SLC39A12: variants seen among roughly 807,000 people sequenced by gnomAD.
SLC39A12 encodes the protein zinc transporter ZIP12.
SLC39A12 carries 63 observed loss-of-function variants against 71.1 expected under a neutral mutation model. The ratio of observed to expected loss-of-function variants is 0.89; its 90% CI spans 0.72 to 1.09. SLC39A12 has a LOEUF of 1.09. SLC39A12 is among the 50% of genes least tolerant of loss of function. The pLI, the probability that SLC39A12 is intolerant of heterozygous loss-of-function variation, is 0.00. For missense variants in SLC39A12, 892 were observed against 812.6 expected (o/e 1.10, Z -1.19); for synonymous variants, 351 against 301.3 (o/e 1.16, Z -1.71).
chr10:17,992,978 G>T lies in SLC39A12; in HGVS notation c.1423-203G>T, dbSNP rs376217074. On this transcript the variant is annotated intron_variant, in intron 8 of 12. Coordinates refer to ENST00000377369, the MANE Select transcript of SLC39A12 (RefSeq NM_001145195.2). The stretch of plus-strand genomic sequence containing the variant: ...ACTTTTTTTAGTAAATAAAAAGACA[G>T]TGTAAAAACTACCACTATTCAAGCC... 5.3e-5 allele frequency among the ~76,000 whole-genome samples: 8 copies of T among 152,248 alleles called. No individual in the cohort carries two copies. In the South Asian group the frequency reaches 8.3e-4, roughly 16 times the overall value.
At position 18,002,843 on chromosome 10, in the gene SLC39A12, GGACAGT is replaced by G. The variant is rs557125552; in HGVS notation, c.1760-325_1760-320del. 4.6e-3 allele frequency: 853 copies of G among 186,826 alleles called. 11 individuals are homozygous for G. The highest frequency in any genetic ancestry group is 0.019 in the African/African-American group (792 of 42,678). The allele number at this position is 186,826 out of a possible 1,614,324, so 11.6% of individuals were successfully genotyped here. ...CAGGCCCAAAGATTTAGAAACCCTG[GGACAGT>G]GAGTGACTATTTTCCATTTATCTAA... On this transcript the variant is annotated intron_variant, in intron 11 of 12. Transcript: ENST00000377369.
At chr10:17,954,716 A>G (rs1002183996) in intron 2 of SLC39A12, among the ~76,000 whole-genome samples, 2 of 152,152 alleles carry the variant, frequency 1.3e-5, no homozygotes, top group Admixed American at 6.6e-5. Flanking sequence ...ATTTTTTAGG[A>G]CGAACCCATA....
At chr10:18,030,574 C>T (rs1212951792) in intron 12 of SLC39A12, among the ~76,000 whole-genome samples, 2 of 151,836 alleles carry the variant, frequency 1.3e-5, no homozygotes, top group African/African-American at 4.8e-5. Context: ...GCCTTGAAAA[C>T]ATAGAACCAG....
intron 7 of SLC39A12, among the ~76,000 whole-genome samples, chr10:17,990,237 TA>T (rs1835508920): frequency 6.6e-6 from 1 of 152,156 alleles, no homozygotes; most frequent in Non-Finnish European, 1.5e-5. Flanking sequence ...AAAAGTTGAC[TA>T]ACATATATTG....
At chr10:18,024,394 G>A (rs2497774) in intron 12 of SLC39A12, among the ~76,000 whole-genome samples, 101,374 of 151,928 alleles carry the variant, frequency 0.67, 35,383 homozygotes, top group African/African-American at 0.88. Flanking sequence ...TGTGCCCAGG[G>A]TTGCATAGGT....
intron 12 of SLC39A12, among the ~76,000 whole-genome samples, chr10:18,030,522 A>G (rs1836812007): frequency 6.6e-6 from 1 of 152,014 alleles, no homozygotes; most frequent in Non-Finnish European, 1.5e-5. Context: ...TACAGGCGTG[A>G]GCCACCGTGC....
At chr10:18,016,677 C>T (rs1836394336) in intron 12 of SLC39A12, among the ~76,000 whole-genome samples, 1 of 152,176 alleles carries the variant, frequency 6.6e-6, no homozygotes, top group African/African-American at 2.4e-5. Flanking sequence ...AATGAGAGTT[C>T]CAGTTGCTCT....
chr10:18,041,655 GTATATA>G (rs1181037224), intron 12 of SLC39A12, among the ~76,000 whole-genome samples: 1 of 49,242 alleles, frequency 2.0e-5, no homozygotes. Context: ...ATATACATAT[GTATATA>G]TGTGTATATA....
At chr10:17,987,011 A>C (rs949422939) in intron 6 of SLC39A12, among the ~76,000 whole-genome samples, 4 of 152,142 alleles carry the variant, frequency 2.6e-5, no homozygotes, top group African/African-American at 9.7e-5. Flanking sequence ...TCTCAAAAAC[A>C]ACAAAAACAA....
At position 18,042,970 on chromosome 10, in the gene SLC39A12, T is replaced by A. The variant is rs1837302164; in HGVS notation, c.*137T>A. The A allele has an allele frequency of 1.7e-6, 1 of 600,186 alleles. No individual in the cohort carries two copies. The highest frequency in any genetic ancestry group is 2.5e-6 in the Non-Finnish European group (1 of 402,822). The allele number at this position is 600,186 out of a possible 1,614,324, so 37.2% of individuals were successfully genotyped here. A position where few individuals can be genotyped will look rare whatever the true frequency, so the allele number is the denominator to read the frequency against. ...TGTCTCTTTCAATTCATTAACTTAT[T>A]AATTTTATAATGCAGTTTTATTTTT... On this transcript the variant is annotated 3_prime_UTR_variant, in exon 13 of 13. Transcript: ENST00000377369.
At chr10:17,962,773 TAAG>T (rs1257283172) in intron 3 of SLC39A12, among the ~76,000 whole-genome samples, 2 of 152,326 alleles carry the variant, frequency 1.3e-5, no homozygotes, top group Non-Finnish European at 2.9e-5. Context: ...AGCTGTTTGC[TAAG>T]GACTTTGTGA....
At chr10:17,991,127 T>TTC (rs573520970) in intron 7 of SLC39A12, 24 bp from the exon 8 acceptor site, 2 of 1,186,556 alleles carry the variant, frequency 1.7e-6, no homozygotes, top group East Asian at 3.4e-5. Context: ...CTCTCTGCCT[T>TTC]TTTTTTTTTT....
intron 12 of SLC39A12, among the ~76,000 whole-genome samples, chr10:18,008,325 G>A (rs1358121534): frequency 6.6e-6 from 1 of 152,114 alleles, no homozygotes; most frequent in Non-Finnish European, 1.5e-5. Context: ...GATCTAGGTT[G>A]CACACTCCTT....
At chr10:17,978,768 C>T (rs1022160405) in intron 5 of SLC39A12, among the ~76,000 whole-genome samples, 2 of 152,182 alleles carry the variant, frequency 1.3e-5, no homozygotes, top group Non-Finnish European at 2.9e-5. Context: ...TCTGTTCCAA[C>T]GTGTGACTTT....
At chr10:17,977,361 T>A (rs2130803190) in intron 4 of SLC39A12, among the ~76,000 whole-genome samples, 1 of 152,200 alleles carries the variant, frequency 6.6e-6, no homozygotes, top group East Asian at 1.9e-4. Flanking sequence ...TTAGGAAAAT[T>A]CTGTTTTAAT....
intron 12 of SLC39A12, among the ~76,000 whole-genome samples, chr10:18,039,598 T>C (rs186418868): frequency 6.6e-6 from 1 of 152,048 alleles, no homozygotes; most frequent in Admixed American, 6.6e-5. Context: ...TAGGGTAGTA[T>C]GCACCTGCAG....
chr10:18,000,573 C>A, intron 10 of SLC39A12, 94 bp from the exon 11 acceptor site: 2 of 1,147,234 alleles, frequency 1.7e-6, no homozygotes, highest in South Asian at 1.4e-5. Flanking sequence ...ATAAGAATGT[C>A]AAGTGTAGGT....
At chr10:17,963,631 G>C (rs1360694741) in intron 3 of SLC39A12, among the ~76,000 whole-genome samples, 1 of 152,132 alleles carries the variant, frequency 6.6e-6, no homozygotes, top group Non-Finnish European at 1.5e-5. Context: ...CATTCAACTG[G>C]ACTAGGATTC....
chr10:18,028,029 A>G (rs973322440), intron 12 of SLC39A12, among the ~76,000 whole-genome samples: 1 of 152,218 alleles, frequency 6.6e-6, no homozygotes. Flanking sequence ...GGTTCTGCTT[A>G]TCAAATGCAA....
Sources: allele counts gnomAD v4.1 joint callset (sites outside exome capture counted in the v4.1 genomes callset), GRCh38; gene constraint gnomAD v4.1.1; transcripts MANE v1.5; gene names NCBI Gene and HGNC (gene_info 2026-07-23, HGNC 2026-07-21).